The following IL1RAPL1 variants were observed in gnomAD, a reference collection of about 807,000 sequenced individuals.
IL1RAPL1 encodes interleukin-1 receptor accessory protein-like 1.
Under a neutral mutation model 48.4 loss-of-function variants are expected in IL1RAPL1, and 3 were observed. The ratio of observed to expected loss-of-function variants is 0.06; its 90% CI spans 0.03 to 0.16. The LOEUF is 0.16. IL1RAPL1 is among the 10% of genes least tolerant of loss of function. IL1RAPL1 has a pLI of 1.00. For missense variants in IL1RAPL1, 349 were observed against 530.6 expected, an observed-to-expected ratio of 0.66 and a Z score of 3.36; for synonymous variants, 185 against 187.7, an observed-to-expected ratio of 0.99 and a Z score of 0.12.
chrX:28,899,722 C>T (rs1222585051), intron 2 of IL1RAPL1, among the ~76,000 whole-genome samples: 1 of 111,316 alleles, frequency 9.0e-6, no homozygotes, highest in Non-Finnish European at 1.9e-5. Context: ...CTACCTTAGA[C>T]CTATCAGCTC....
intron 3 of IL1RAPL1, among the ~76,000 whole-genome samples, chrX:29,392,532 G>A (rs190234992): frequency 8.9e-6 from 1 of 112,343 alleles, no homozygotes; most frequent in East Asian, 2.8e-4. Flanking sequence ...ATCACCTCCT[G>A]ATGAACAGAA....
At chrX:28,965,424 A>G (rs1232945639) in intron 2 of IL1RAPL1, among the ~76,000 whole-genome samples, 1 of 111,346 alleles carries the variant, frequency 9.0e-6, no homozygotes, top group Non-Finnish European at 1.9e-5. Context: ...GTCTGAAAAA[A>G]ATGCTTTTTG....
chrX:29,167,785 C>CA (rs1025608516), intron 2 of IL1RAPL1, among the ~76,000 whole-genome samples: 4 of 110,220 alleles, frequency 3.6e-5, no homozygotes, highest in Non-Finnish European at 7.6e-5. Context: ...CCAACATTAT[C>CA]AAGAGTAAAA....
At chrX:28,730,048 C>T (rs771069687) in intron 1 of IL1RAPL1, among the ~76,000 whole-genome samples, 6 of 111,881 alleles carry the variant, frequency 5.4e-5, no homozygotes, top group Admixed American at 9.6e-5. Context: ...TGGTTTTCCT[C>T]ATTTGTTTCA....
At chrX:28,809,976 A>T (rs1033146403) in intron 2 of IL1RAPL1, among the ~76,000 whole-genome samples, 1 of 108,424 alleles carries the variant, frequency 9.2e-6, no homozygotes, top group African/African-American at 3.3e-5. Flanking sequence ...TGTAAGGGAT[A>T]TATACCATAT....
intron 5 of IL1RAPL1, among the ~76,000 whole-genome samples, chrX:29,512,048 G>A (rs1010946259): frequency 1.8e-5 from 2 of 110,145 alleles, no homozygotes; most frequent in African/African-American, 6.6e-5. Context: ...CAACATTTCG[G>A]GGGTTACATA....
chrX:29,788,147 G>T (rs772618420), intron 6 of IL1RAPL1, among the ~76,000 whole-genome samples: 1 of 111,414 alleles, frequency 9.0e-6, no homozygotes, highest in African/African-American at 3.3e-5. Context: ...AAATTATTCA[G>T]TGAAGCAATA....
At position 29,839,870 on chromosome X, in the gene IL1RAPL1, G is replaced by A. The variant is rs1800807037; in HGVS notation, c.779-77594G>A. 2.7e-5 allele frequency among the ~76,000 whole-genome samples: 3 copies of A among 112,359 alleles called. No individual in the cohort carries two copies. The Admixed American group carries it at 2.8e-4, about 11-fold the overall frequency. Reference sequence around the variant, plus strand: ...CAGAAGTTCAAGGTTGCAGTGAGTTGTGATCACGCCGCACCACTGCACTCT... The same window carrying A: ...CAGAAGTTCAAGGTTGCAGTGAGTTATGATCACGCCGCACCACTGCACTCT... On this transcript the variant is annotated intron_variant, in intron 6 of 10. Coordinates refer to ENST00000378993, the MANE Select transcript of IL1RAPL1 (RefSeq NM_014271.4).
intron 1 of IL1RAPL1, among the ~76,000 whole-genome samples, chrX:28,623,679 ACATCTGG>A (rs1934308237): frequency 8.9e-6 from 1 of 112,122 alleles, no homozygotes; most frequent in Admixed American, 9.5e-5. Flanking sequence ...TAAACCTTGA[ACATCTGG>A]CTTTGTGAAA....
chrX:29,174,112 C>T (rs1392997396), intron 2 of IL1RAPL1, among the ~76,000 whole-genome samples: 1 of 110,140 alleles, frequency 9.1e-6, no homozygotes, highest in Non-Finnish European at 1.9e-5. Flanking sequence ...CTGGTAGAGA[C>T]GGGGTTTCTC....
At chrX:29,662,012 A>G (rs769221071) in intron 5 of IL1RAPL1, among the ~76,000 whole-genome samples, 14 of 111,193 alleles carry the variant, frequency 1.3e-4, no homozygotes, top group Admixed American at 1.9e-4. Flanking sequence ...CCAGAGTGAT[A>G]CCTCTGGTAC....
At chrX:28,789,499 T>A (rs1318786963) in intron 2 of IL1RAPL1, 74 bp downstream of exon 2, 1 of 754,664 alleles carries the variant, frequency 1.3e-6, no homozygotes, top group African/African-American at 2.1e-5. Flanking sequence ...ACATGTGCCA[T>A]TAGTGGAAAA....
chrX:29,941,558 C>A, intron 8 of IL1RAPL1, 93 bp from the exon 9 acceptor site: 1 of 938,929 alleles, frequency 1.1e-6, no homozygotes, highest in Non-Finnish European at 1.5e-6. Flanking sequence ...CACATCTGAT[C>A]TCATCCAGGA....
rs181804048 is a variant in IL1RAPL1 at position 29,243,988 on chromosome X, C to G, written c.83-38950C>G. 6.0e-4 allele frequency among the ~76,000 whole-genome samples: 67 copies of G among 111,805 alleles called. 3 individuals are homozygous for G. The highest frequency in any genetic ancestry group is 5.6e-3 in the Admixed American group (59 of 10,463). ...TCCTCCCCTCCTTTTCCCTCTCCCC[C>G]ACACATGTAAACATTGTGTAATTCC... On this transcript the variant is annotated intron_variant, in intron 2 of 10. Coordinates refer to ENST00000378993, the MANE Select transcript of IL1RAPL1 (RefSeq NM_014271.4).
intron 6 of IL1RAPL1, among the ~76,000 whole-genome samples, chrX:29,894,642 T>C (rs957333445): frequency 2.7e-5 from 3 of 111,817 alleles, no homozygotes; most frequent in Admixed American, 9.5e-5. Flanking sequence ...CCCAGCACCT[T>C]TTTACGAGAT....
At chrX:29,553,931 T>A (rs1408541932) in intron 5 of IL1RAPL1, among the ~76,000 whole-genome samples, 1 of 111,043 alleles carries the variant, frequency 9.0e-6, no homozygotes, top group Admixed American at 9.5e-5. Context: ...GTGGCCTTTT[T>A]TTTTTTTTTA....
At chrX:28,687,945 T>TA (rs1486539535) in intron 1 of IL1RAPL1, among the ~76,000 whole-genome samples, 2 of 108,232 alleles carry the variant, frequency 1.8e-5, no homozygotes, top group East Asian at 5.9e-4. Context: ...CTACTAAAAA[T>TA]ACAAAAATTA....
intron 6 of IL1RAPL1, among the ~76,000 whole-genome samples, chrX:29,756,418 T>C (rs1244646302): frequency 9.0e-6 from 1 of 111,490 alleles, no homozygotes; most frequent in Non-Finnish European, 1.9e-5. Context: ...ATATCACCTT[T>C]CTCTTTTTTT....
intron 6 of IL1RAPL1, among the ~76,000 whole-genome samples, chrX:29,806,960 C>T (rs1005522638): frequency 1.8e-5 from 2 of 110,004 alleles, no homozygotes; most frequent in Non-Finnish European, 3.8e-5. Context: ...TGCCTGCTTC[C>T]CCTTTGCCTT....
Sources: allele counts gnomAD v4.1 joint callset (sites outside exome capture counted in the v4.1 genomes callset), GRCh38; gene constraint gnomAD v4.1.1; transcripts MANE v1.5; gene names NCBI Gene and HGNC (gene_info 2026-07-23, HGNC 2026-07-21).